Variants in RFX3 observed in about 807,000 individuals in gnomAD.
RFX3 encodes regulatory factor X3.
RFX3 carries 14 observed loss-of-function variants against 98.6 expected under a neutral mutation model. The observed-to-expected ratio is 0.14, with a 90% CI of 0.09 to 0.22. The LOEUF is 0.22. RFX3 is among the 10% of genes least tolerant of loss of function. The pLI, the probability that RFX3 is intolerant of heterozygous loss-of-function variation, is 1.00. For synonymous variants in RFX3, 383 were observed against 328.4 expected, an observed-to-expected ratio of 1.17 and a Z score of -1.80; for missense variants, 639 against 926.9, an observed-to-expected ratio of 0.69 and a Z score of 4.03.
chr9:3,424,499 C>A (rs1322179525), intron 1 of RFX3, among the ~76,000 whole-genome samples: 4 of 151,088 alleles, frequency 2.6e-5, no homozygotes, highest in African/African-American at 7.3e-5. Flanking sequence ...GTAGCTGGGA[C>A]TACAGGCGCC....
intron 2 of RFX3, among the ~76,000 whole-genome samples, chr9:3,372,060 C>T (rs574670483): frequency 4.6e-5 from 7 of 152,266 alleles, no homozygotes; most frequent in Non-Finnish European, 1.0e-4. Context: ...TACATTCACC[C>T]TTACCTCTTC....
chr9:3,427,380 A>G (rs1165215394), intron 1 of RFX3, among the ~76,000 whole-genome samples: 1 of 142,494 alleles, frequency 7.0e-6, no homozygotes, highest in Non-Finnish European at 1.5e-5. Flanking sequence ...TTGTTATTAT[A>G]TAATAATACA....
chr9:3,340,223 C>A lies in RFX3; in HGVS notation c.215+6444G>T, dbSNP rs538453172. Reference sequence around the variant, plus strand: ...ATATGTAGAAAGCTGAAACTGGATCCCTTCCTTACACCTTATGCAAAAATT... The same window carrying A: ...ATATGTAGAAAGCTGAAACTGGATCACTTCCTTACACCTTATGCAAAAATT... On this transcript the variant is annotated intron_variant, in intron 3 of 16. Transcript: ENST00000617270. 6.0e-4 allele frequency among the ~76,000 whole-genome samples: 91 copies of A among 152,270 alleles called. 3 individuals are homozygous for A. The South Asian group carries it at 0.016, about 27-fold the overall frequency.
chr9:3,465,843 A>G (rs2133127917), intron 1 of RFX3, among the ~76,000 whole-genome samples: 1 of 152,268 alleles, frequency 6.6e-6, no homozygotes, highest in East Asian at 1.9e-4. Flanking sequence ...GTGGACTCAA[A>G]GGAGATAGGG....
chr9:3,499,215 C>A (rs986397773), intron 1 of RFX3, among the ~76,000 whole-genome samples: 13 of 151,972 alleles, frequency 8.6e-5, no homozygotes, highest in African/African-American at 2.7e-4. Flanking sequence ...TATAAATGAA[C>A]TGAGCAAGTT....
At chr9:3,270,130 A>AGAAAGAAAGAAAGAAAGAAAG (rs1563833724) in intron 11 of RFX3, among the ~76,000 whole-genome samples, 266 of 107,178 alleles carry the variant, frequency 2.5e-3, no homozygotes, top group Non-Finnish European at 4.8e-3. Context: ...AAGAAAGGAA[A>AGAAAGAAAGAAAGAAAGAAAG]GAAAGAAAGA....
chr9:3,359,614 T>C (rs978601298), intron 2 of RFX3, among the ~76,000 whole-genome samples: 1 of 152,146 alleles, frequency 6.6e-6, no homozygotes, highest in Non-Finnish European at 1.5e-5. Context: ...TTTATATTTG[T>C]TGGTATGTTC....
At chr9:3,406,175 C>G (rs894055254) in intron 1 of RFX3, among the ~76,000 whole-genome samples, 5 of 151,974 alleles carry the variant, frequency 3.3e-5, no homozygotes, top group Middle Eastern at 3.4e-3. Context: ...GTTGCCCACC[C>G]TAGTCTCAAA....
intron 1 of RFX3, among the ~76,000 whole-genome samples, chr9:3,514,525 C>T (rs115870293): frequency 0.022 from 3,413 of 152,154 alleles, 104 homozygotes; most frequent in African/African-American, 0.06. Flanking sequence ...TTGTCTACAG[C>T]CTCCAGCCTC....
At chr9:3,384,319 A>T (rs1413101757) in intron 2 of RFX3, among the ~76,000 whole-genome samples, 1 of 152,210 alleles carries the variant, frequency 6.6e-6, no homozygotes, top group Non-Finnish European at 1.5e-5. Context: ...ATCATTTGCT[A>T]AACAGATAAT....
intron 1 of RFX3, among the ~76,000 whole-genome samples, chr9:3,513,230 G>C (rs551608711): frequency 2.0e-4 from 31 of 152,244 alleles, no homozygotes; most frequent in Middle Eastern, 3.4e-3. Flanking sequence ...CTGCTAGAAT[G>C]TTTTTGAATC....
At chr9:3,426,341 T>G (rs71506640) in intron 1 of RFX3, among the ~76,000 whole-genome samples, 1 of 151,384 alleles carries the variant, frequency 6.6e-6, no homozygotes, top group South Asian at 2.1e-4. Flanking sequence ...TTTTTTTTTG[T>G]ATTACAAACA....
chr9:3,333,056 C>G (rs563838504), intron 3 of RFX3, among the ~76,000 whole-genome samples: 1 of 152,274 alleles, frequency 6.6e-6, no homozygotes, highest in East Asian at 1.9e-4. Flanking sequence ...TCAAGTCTTC[C>G]TACTCCCATC....
At chr9:3,420,986 G>T (rs1427331484) in intron 1 of RFX3, 1 of 823,978 alleles carries the variant, frequency 1.2e-6, no homozygotes, top group Non-Finnish European at 1.5e-6. Flanking sequence ...TGAAATCTGT[G>T]GACTCTCAGA....
At chr9:3,273,640 G>T (rs1248120830) in intron 9 of RFX3, among the ~76,000 whole-genome samples, 1 of 152,026 alleles carries the variant, frequency 6.6e-6, no homozygotes, top group Non-Finnish European at 1.5e-5. Context: ...GAAGCGGGTG[G>T]ATCACTTCAG....
At chr9:3,250,478 TG>T (rs1457746714) in intron 14 of RFX3, among the ~76,000 whole-genome samples, 1 of 152,086 alleles carries the variant, frequency 6.6e-6, no homozygotes, top group Non-Finnish European at 1.5e-5. Flanking sequence ...ATAGCTGGTT[TG>T]GAAAAACTCT....
intron 1 of RFX3, among the ~76,000 whole-genome samples, chr9:3,475,943 G>C (rs922932974): frequency 1.3e-5 from 2 of 152,130 alleles, no homozygotes; most frequent in East Asian, 1.9e-4. Context: ...TTGGCAACAG[G>C]CATCTTCCCA....
chr9:3,261,016 T>C (rs1356488539), intron 13 of RFX3, among the ~76,000 whole-genome samples: 1 of 151,654 alleles, frequency 6.6e-6, no homozygotes, highest in Non-Finnish European at 1.5e-5. Context: ...CAAATGTTAC[T>C]TTTTGGTATA....
Position 3,226,343 on chromosome 9 carries a change from T to C in RFX3, c.2012-1063A>G, listed in dbSNP as rs114165124. Among the ~76,000 whole-genome samples the C allele has an allele frequency of 4.7e-3, 711 of 152,342 alleles. 5 individuals carry two copies. The highest frequency in any genetic ancestry group is 0.017 in the African/African-American group (691 of 41,576). On this transcript the variant is annotated intron_variant, in intron 16 of 16. Transcript: ENST00000617270. ...AAATCTCTGCTAATGCAGCTGTCTCTATAAACAAGGCCCCTTGACTTTTCT... is the reference window on the plus strand; with the variant it reads ...AAATCTCTGCTAATGCAGCTGTCTCCATAAACAAGGCCCCTTGACTTTTCT...
Sources: allele counts gnomAD v4.1 joint callset (sites outside exome capture counted in the v4.1 genomes callset), GRCh38; gene constraint gnomAD v4.1.1; transcripts MANE v1.5; gene names NCBI Gene and HGNC (gene_info 2026-07-23, HGNC 2026-07-21).